DLG5: variants seen among roughly 807,000 people sequenced by gnomAD.
DLG5 encodes discs large MAGUK scaffold protein 5.
Under a neutral mutation model 189.8 loss-of-function variants are expected in DLG5, and 48 were observed. The ratio of observed to expected loss-of-function variants is 0.25; its 90% CI spans 0.20 to 0.32. DLG5 has a LOEUF of 0.32. Ranked by LOEUF, DLG5 falls within the 10% of genes least tolerant of loss-of-function variation. The probability of loss-of-function intolerance (pLI) is 1.00; values close to 1 mark genes in which losing one functional copy is unlikely to be tolerated. For missense variants in DLG5, 2,160 were observed against 2,544.7 expected (o/e 0.85, Z 3.25); for synonymous variants, 1,016 against 1,054.1 (o/e 0.96, Z 0.70).
chr10:77,915,753 C>A (rs964232679), intron 1 of DLG5, among the ~76,000 whole-genome samples: 1 of 152,154 alleles, frequency 6.6e-6, no homozygotes, highest in South Asian at 2.1e-4. Context: ...CTTGTTATCC[C>A]GGATTTGAGA....
chr10:77,822,089 T>A lies in DLG5; in HGVS notation c.2395A>T (p.Ser799Cys). 6.2e-7 allele frequency: 1 copy of A among 1,612,480 alleles called. No homozygotes were observed. The highest frequency in any genetic ancestry group is 8.5e-7 in the Non-Finnish European group (1 of 1,179,062). The change falls in exon 15 of 32, where the codon AGC becomes TGC. Residue 799 changes from serine to cysteine, a missense_variant. Transcript: ENST00000372391. Reference protein sequence around the residue: ...TLSLLKVFPQSSSWSGQNIFE... With the variant: ...TLSLLKVFPQCSSWSGQNIFE... Reference sequence around the variant, plus strand: ...ATGTTCTGGCCACTCCACGAGGAGCTCTGAGGGAATACCTAGGCAGGGATT... The same window carrying A: ...ATGTTCTGGCCACTCCACGAGGAGCACTGAGGGAATACCTAGGCAGGGATT...
intron 9 of DLG5, 52 bp downstream of exon 9, chr10:77,833,862 C>T: frequency 1.3e-6 from 2 of 1,591,640 alleles, no homozygotes; most frequent in Admixed American, 3.4e-5. Context: ...GGGAGAGGGG[C>T]CCCAGGCTCC....
chr10:77,839,277 G>C (rs1403451274), intron 7 of DLG5, among the ~76,000 whole-genome samples: 1 of 152,188 alleles, frequency 6.6e-6, no homozygotes, highest in African/African-American at 2.4e-5. Context: ...AAGGTGGGTG[G>C]ATCACCTGAG....
intron 1 of DLG5, among the ~76,000 whole-genome samples, chr10:77,892,132 C>G (rs1157505073): frequency 6.6e-6 from 1 of 152,124 alleles, no homozygotes; most frequent in African/African-American, 2.4e-5. Context: ...CCTGGGATGC[C>G]CCAGCTTCCC....
intron 1 of DLG5, among the ~76,000 whole-genome samples, chr10:77,905,101 C>A (rs1166144095): frequency 6.7e-6 from 1 of 149,298 alleles, no homozygotes; most frequent in African/African-American, 2.5e-5. Context: ...TGCACTCTAG[C>A]CTGGGCGACA....
chr10:77,843,462 G>A lies in DLG5; in HGVS notation c.1109C>T (p.Ala370Val), dbSNP rs1334249293. The A allele has an allele frequency of 1.2e-6, 2 of 1,613,660 alleles. No homozygotes were observed. Among genetic ancestry groups the A allele is most frequent in the Non-Finnish European group, 1.7e-6 (2 of 1,180,056 alleles). ...DTAIQLQHQCALSLRRFEAIH... is the reference protein window; with the variant it reads ...DTAIQLQHQCVLSLRRFEAIH... ...CTAGCCCTACCTCCTCAGGGAGAGG[G>A]CGCACTGGTGCTGCAGCTGGATGGC... Residue 370 changes from alanine to valine, a missense_variant, in exon 6 of 32, where the codon GCC becomes GTC. By Grantham distance (64) the Ala-to-Val change is moderately conservative. Coordinates refer to ENST00000372391, the MANE Select transcript of DLG5 (RefSeq NM_004747.4).
chr10:77,931,856 C>T, the DLG5 span, among the ~76,000 whole-genome samples: 1 of 152,142 alleles, frequency 6.6e-6, no homozygotes, highest in African/African-American at 2.4e-5. Context: ...CTGTACTTCC[C>T]GGAGCCTCAA....
intron 1 of DLG5, among the ~76,000 whole-genome samples, chr10:77,907,618 A>G (rs1286971419): frequency 6.6e-6 from 1 of 152,018 alleles, no homozygotes; most frequent in Non-Finnish European, 1.5e-5. Context: ...CTTACACAGT[A>G]CTTACCATGT....
chr10:77,842,827 C>G (rs750969641), intron 6 of DLG5, among the ~76,000 whole-genome samples: 21 of 152,336 alleles, frequency 1.4e-4, no homozygotes, highest in Non-Finnish European at 2.6e-4. Flanking sequence ...CTGTCTACTG[C>G]ACAACACCAC....
rs561946074 is a variant in DLG5, at chr10:77,819,357, G to A, written c.3635C>T (p.Ala1212Val). 21 of 1,614,070 alleles carry A rather than the reference G, an allele frequency of 1.3e-5. No homozygotes were observed. Among genetic ancestry groups the A allele is most frequent in the African/African-American group, 8.0e-5 (6 of 75,042 alleles). The change falls in exon 17 of 32, where the codon GCG (alanine) becomes GTG (valine). Residue 1212 changes from alanine (A) to valine (V), a missense_variant. By Grantham distance (64) the Ala-to-Val change is moderately conservative (BLOSUM62 0). Around this residue, in one of 5 missense-constraint regions of DLG5, gnomAD observed 754 missense variants for 746.5 expected, o/e 1.01. Coordinates refer to ENST00000372391, the MANE Select transcript of DLG5 (RefSeq NM_004747.4). Reference protein sequence around the residue: ...HRVGPCSSPPAARDAGPQGLH... With the variant: ...HRVGPCSSPPVARDAGPQGLH... ...ACCCTGGGGGCCAGCATCTCGGGCCGCAGGTGGAGAGCTGCAGGGGCCGAC... is the reference window on the plus strand; with the variant it reads ...ACCCTGGGGGCCAGCATCTCGGGCCACAGGTGGAGAGCTGCAGGGGCCGAC...
At chr10:77,916,612 A>C (rs1846364289) in intron 1 of DLG5, among the ~76,000 whole-genome samples, 1 of 152,154 alleles carries the variant, frequency 6.6e-6, no homozygotes, top group Non-Finnish European at 1.5e-5. Flanking sequence ...TTTAGAAGAA[A>C]AAAAGGAAAG....
At chr10:77,906,734 C>T (rs926847609) in intron 1 of DLG5, among the ~76,000 whole-genome samples, 2 of 150,764 alleles carry the variant, frequency 1.3e-5, no homozygotes, top group Non-Finnish European at 2.9e-5. Context: ...AAGCGACTCT[C>T]CTATCTCAGC....
rs371654467 is a variant in DLG5, at chr10:77,819,936, C to T, written c.3485G>A (p.Arg1162Gln). Residue 1162 changes from arginine (R) to glutamine (Q), a missense_variant, in exon 16 of 32, where the codon CGG becomes CAG. Coordinates refer to ENST00000372391, the MANE Select transcript of DLG5 (RefSeq NM_004747.4). Reference protein sequence around the residue: ...WAPYSPGHSSRHSNPPLYPSR... With the variant: ...WAPYSPGHSSQHSNPPLYPSR... Reference sequence around the variant, plus strand: ...AGGGTATAGCGGGGGGTTGCTGTGCCGGCTGGAATGCCCAGGCGAGTAAGG... The same window carrying T: ...AGGGTATAGCGGGGGGTTGCTGTGCTGGCTGGAATGCCCAGGCGAGTAAGG... The T allele has an allele frequency of 3.7e-5, 60 of 1,606,472 alleles. No individual in the cohort carries two copies. Among genetic ancestry groups the T allele is most frequent in the South Asian group, 7.8e-5 (7 of 89,934 alleles).
chr10:77,846,584 C>A, intron 5 of DLG5: 1 of 389,930 alleles, frequency 2.6e-6, no homozygotes, highest in Non-Finnish European at 5.1e-6. Flanking sequence ...GGAATCCCTG[C>A]TACTCCGGAG....
intron 6 of DLG5, 85 bp from the exon 7 acceptor site, chr10:77,842,278 T>C (rs1489091845): frequency 4.7e-6 from 7 of 1,482,798 alleles, no homozygotes; most frequent in Non-Finnish European, 6.4e-6. Context: ...CCGCCAGCTC[T>C]ACTGTGCTGG....
At chr10:77,794,154 C>A (rs1840784684) in intron 30 of DLG5, 37 bp from the exon 31 acceptor site, 3 of 1,578,084 alleles carry the variant, frequency 1.9e-6, no homozygotes, top group Non-Finnish European at 1.7e-6. Context: ...GAGCACTGAG[C>A]CTCCTCCAGG....
chr10:77,814,169 G>A (rs930825314), intron 20 of DLG5, among the ~76,000 whole-genome samples: 1 of 151,814 alleles, frequency 6.6e-6, no homozygotes, highest in African/African-American at 2.4e-5. Flanking sequence ...GTAGAGACAG[G>A]GTTTCACCAT....
rs373577349 is a variant in DLG5 at position 77,822,037 on chromosome 10, T to C, written c.2447A>G (p.Lys816Arg). Reference protein sequence around the residue: ...NIFENIKDSDKMLSFRAHGPE... With the variant: ...NIFENIKDSDRMLSFRAHGPE... Reference sequence around the variant, plus strand: ...GCCATGGGCTCGAAAACTCAGCATCTTATCAGAGTCTTTGATATTTTCAAA... The same window carrying C: ...GCCATGGGCTCGAAAACTCAGCATCCTATCAGAGTCTTTGATATTTTCAAA... The change falls in exon 15 of 32, where the codon AAG becomes AGG. Residue 816 changes from lysine (K) to arginine (R), a missense_variant. Physicochemically the swap from Lys to Arg is conservative, Grantham distance 26 (BLOSUM62 2). Around this residue, in one of 5 missense-constraint regions of DLG5, gnomAD observed 754 missense variants for 746.5 expected, o/e 1.01. Coordinates refer to ENST00000372391, the MANE Select transcript of DLG5 (RefSeq NM_004747.4). The C allele has an allele frequency of 3.7e-5, 60 of 1,613,976 alleles. No individual in the cohort carries two copies. Among genetic ancestry groups the C allele is most frequent in the Non-Finnish European group, 4.7e-5 (55 of 1,179,966 alleles).
rs571641862 is a variant in DLG5 at position 77,798,055 on chromosome 10, C to T, written c.5165-1461G>A. Among the ~76,000 whole-genome samples the T allele has an allele frequency of 2.6e-5, 4 of 152,136 alleles. No individual in the cohort carries two copies. In the South Asian group the frequency reaches 6.2e-4, roughly 24 times the overall value. On this transcript the variant is annotated intron_variant, in intron 27 of 31. Transcript: ENST00000372391. ...TACAAAAATTAGCCGGGTGTGCTGG[C>T]GCACACCTGTAATCCCAGCTACTCA... is the stretch of plus-strand genomic sequence containing the variant.
Sources: gnomAD v4.1 joint callset for allele counts (sites outside exome capture counted in the v4.1 genomes callset) on GRCh38, gnomAD v4.1.1 for gene constraint, gnomAD v4.1.1 regional missense constraint, MANE v1.5 for transcripts, NCBI Gene and HGNC (gene_info 2026-07-23, HGNC 2026-07-21) for gene names.